Variants in CCDC138 observed in about 807,000 individuals in gnomAD.
The protein encoded by CCDC138 is coiled-coil domain-containing protein 138.
A neutral mutation model predicts 82.3 loss-of-function variants in CCDC138; 66 were observed. That is an observed-to-expected ratio of 0.80 (90% CI 0.66 to 0.98). The LOEUF is 0.98. CCDC138 is among the 50% of genes least tolerant of loss of function. CCDC138 has a pLI of 0.00. For synonymous variants in CCDC138, 297 were observed against 265.4 expected (o/e 1.12, Z -1.16); for missense variants, 816 against 758.9 (o/e 1.08, Z -0.88).
At chr2:108,853,934 TTA>T (rs1027891078) in intron 12 of CCDC138, among the ~76,000 whole-genome samples, 1 of 122,874 alleles carries the variant, frequency 8.1e-6, no homozygotes, top group Non-Finnish European at 1.6e-5. Flanking sequence ...TATATATAAT[TTA>T]TATATAATAT....
At chr2:108,857,065 GCTTT>G in intron 13 of CCDC138, 95 bp downstream of exon 13, 8 of 55,342 alleles carry the variant, frequency 1.4e-4, no homozygotes, top group South Asian at 5.4e-4. Flanking sequence ...AGATACTATT[GCTTT>G]TTTTTTTTTT....
In CCDC138 at chr2:108,876,118, G is replaced by T. The variant is rs750968808; in HGVS notation, c.1863G>T (p.Thr621=). ...KSNKKLFELF[T]IHLMLQEIQR... ...ATAAGAAGCTCTTTGAACTTTTTAC[G>T]ATTCATCTGATGCTTCAAGAAATAC... Residue 621 remains threonine (T), a synonymous_variant, in exon 15 of 15, where the codon ACG becomes ACT. Coordinates refer to ENST00000295124, the MANE Select transcript of CCDC138 (RefSeq NM_144978.3). 1 of 1,602,274 alleles carries T rather than the reference G, an allele frequency of 6.2e-7. No homozygotes were observed. The highest frequency in any genetic ancestry group is 8.5e-7 in the Non-Finnish European group (1 of 1,170,084).
intron 11 of CCDC138, among the ~76,000 whole-genome samples, chr2:108,844,901 C>T (rs547581687): frequency 2.5e-4 from 38 of 152,158 alleles, no homozygotes; most frequent in Admixed American, 1.3e-3. Context: ...GTGCACGCCA[C>T]CAAGCCCAGT....
At chr2:108,805,780 A>G (rs1682773024) in intron 7 of CCDC138, among the ~76,000 whole-genome samples, 1 of 152,162 alleles carries the variant, frequency 6.6e-6, no homozygotes, top group South Asian at 2.1e-4. Flanking sequence ...TGCATAACAT[A>G]AATAGTTTTG....
chr2:108,844,989 G>A (rs994356592), intron 11 of CCDC138, among the ~76,000 whole-genome samples: 1 of 151,790 alleles, frequency 6.6e-6, no homozygotes, highest in African/African-American at 2.4e-5. Flanking sequence ...CTTGTGATCC[G>A]CCTGCCTTGG....
At chr2:108,816,173 A>G (rs1273796248) in intron 10 of CCDC138, 68 bp downstream of exon 10, 3 of 1,174,558 alleles carry the variant, frequency 2.6e-6, no homozygotes, top group Non-Finnish European at 3.7e-6. Context: ...AGCCAGGGCC[A>G]GGCACAGTGG....
chr2:108,835,566 TTAAA>T (rs1688436953), intron 10 of CCDC138, among the ~76,000 whole-genome samples: 1 of 152,228 alleles, frequency 6.6e-6, no homozygotes, highest in Non-Finnish European at 1.5e-5. Context: ...TAACCATAGT[TTAAA>T]TACCTTACAT....
intron 12 of CCDC138, among the ~76,000 whole-genome samples, chr2:108,849,461 G>T (rs1002593101): frequency 2.0e-5 from 3 of 152,008 alleles, no homozygotes; most frequent in African/African-American, 7.3e-5. Context: ...TGGATTTCAG[G>T]AATACTGCCT....
chr2:108,803,889 T>G (rs1011706671), intron 6 of CCDC138, among the ~76,000 whole-genome samples: 1 of 152,202 alleles, frequency 6.6e-6, no homozygotes, highest in Non-Finnish European at 1.5e-5. Context: ...CTTTTAGATA[T>G]GGAAAAAGTT....
intron 10 of CCDC138, among the ~76,000 whole-genome samples, chr2:108,822,190 T>C (rs1685816067): frequency 6.6e-6 from 1 of 151,962 alleles, no homozygotes; most frequent in Non-Finnish European, 1.5e-5. Flanking sequence ...ATACTTTACG[T>C]CAAAAACTGT....
intron 10 of CCDC138, among the ~76,000 whole-genome samples, chr2:108,828,574 C>T (rs1024362405): frequency 2.0e-5 from 3 of 152,190 alleles, no homozygotes; most frequent in Admixed American, 2.0e-4. Context: ...TTTTGACAAG[C>T]GTACGGAGAC....
At chr2:108,865,843 C>T (rs1398373720) in intron 13 of CCDC138, among the ~76,000 whole-genome samples, 1 of 152,184 alleles carries the variant, frequency 6.6e-6, no homozygotes, top group African/African-American at 2.4e-5. Context: ...TAGTGATCAA[C>T]ACCCCAAATT....
At chr2:108,789,044 ATTT>A (rs1679462475) in intron 3 of CCDC138, 78 bp downstream of exon 3, 1 of 1,511,358 alleles carries the variant, frequency 6.6e-7, no homozygotes, top group Non-Finnish European at 9.1e-7. Flanking sequence ...GGCAGGTTAT[ATTT>A]TTGCTCTTTC....
At position 108,798,516 on chromosome 2, in the gene CCDC138, A is replaced by G. The variant is rs1681290939; in HGVS notation, c.665A>G (p.His222Arg). The G allele has an allele frequency of 1.9e-6, 3 of 1,613,802 alleles. No homozygotes were observed. The highest frequency in any genetic ancestry group is 1.7e-5 in the Admixed American group (1 of 59,966). The part of the protein sequence containing the change: ...LLEREQLLFR[H>R]ENALSKIKGV... ...GAAAGAGAACAACTGCTTTTCAGAC[A>G]TGAAAATGCCTTGAGTAAAATTAAA... Residue 222 changes from histidine (H) to arginine (R), a missense_variant, in exon 6 of 15, where the codon CAT becomes CGT. By Grantham distance (29) the His-to-Arg change is conservative (BLOSUM62 0). Transcript: ENST00000295124.
intron 10 of CCDC138, among the ~76,000 whole-genome samples, chr2:108,826,797 A>G (rs960307817): frequency 6.6e-6 from 1 of 152,162 alleles, no homozygotes; most frequent in African/African-American, 2.4e-5. Context: ...TGGGATTTTG[A>G]TTAAGGACTG....
intron 6 of CCDC138, among the ~76,000 whole-genome samples, chr2:108,802,071 C>T (rs1415304352): frequency 6.9e-5 from 10 of 144,638 alleles, no homozygotes; most frequent in Non-Finnish European, 1.2e-4. Flanking sequence ...GTGATGGCTC[C>T]AGCTTTGTTC....
At chr2:108,815,463 T>TG (rs1553410534) in intron 9 of CCDC138, among the ~76,000 whole-genome samples, 1 of 121,230 alleles carries the variant, frequency 8.2e-6, no homozygotes, top group African/African-American at 4.0e-5. Context: ...TTTTTGGTGT[T>TG]TTTTTTTTTT....
intron 2 of CCDC138, among the ~76,000 whole-genome samples, chr2:108,788,445 G>A (rs1226079810): frequency 6.6e-6 from 1 of 151,190 alleles, no homozygotes; most frequent in Non-Finnish European, 1.5e-5. Context: ...TAGGCTGCGC[G>A]CGGTGGCTCA....
At chr2:108,825,664 A>G (rs1558682037) in intron 10 of CCDC138, among the ~76,000 whole-genome samples, 1 of 152,328 alleles carries the variant, frequency 6.6e-6, no homozygotes, top group East Asian at 1.9e-4. Flanking sequence ...CAAATAATCT[A>G]TAATATAGAT....
Sources: gnomAD v4.1 joint callset for allele counts (sites outside exome capture counted in the v4.1 genomes callset) on GRCh38, gnomAD v4.1.1 for gene constraint, MANE v1.5 for transcripts, NCBI Gene and HGNC (gene_info 2026-07-23, HGNC 2026-07-21) for gene names.